Variants in CHD2 observed in about 807,000 individuals in gnomAD.
CHD2 encodes the protein chromodomain helicase DNA binding protein 2, also known as ATP-dependent chromatin remodeler CHD2.
CHD2 carries 28 observed loss-of-function variants against 243.9 expected under a neutral mutation model. The ratio of observed to expected loss-of-function variants is 0.11; its 90% CI spans 0.09 to 0.16. The LOEUF (loss-of-function observed/expected upper bound fraction) is 0.16. Ranked by LOEUF, CHD2 falls within the 10% of genes least tolerant of loss-of-function variation. CHD2 has a pLI of 1.00. For missense variants in CHD2, 1,386 were observed against 2,209.8 expected (o/e 0.63, Z 7.47); for synonymous variants, 775 against 779.0 (o/e 0.99, Z 0.09).
chr15:93,013,238 T>G lies in CHD2; in HGVS notation c.4692+794T>G, dbSNP rs150610615. On this transcript the variant is annotated intron_variant, in intron 36 of 38. Coordinates refer to ENST00000394196, the MANE Select transcript of CHD2 (RefSeq NM_001271.4). ...ATTTAATTTTACATGGAAGAATATG[T>G]TATAGCAGTAACATACAGGAATCAT... Among the ~76,000 whole-genome samples, 238 of 152,290 alleles carry G rather than the reference T, an allele frequency of 1.6e-3. 1 individual carries two copies. Among genetic ancestry groups the G allele is most frequent in the African/African-American group, 5.6e-3 (231 of 41,558 alleles).
Position 92,924,564 on chromosome 15 carries a change from G to C in CHD2, c.294+12G>C. ...CTGATGTGAAGAAGGTATCTACTTT[G>C]CCCTGCAGTACAAATGTGCTGCTAG... On this transcript the variant is annotated intron_variant, in intron 3 of 38. Transcript: ENST00000394196. 1 of 1,610,320 alleles carries C rather than the reference G, an allele frequency of 6.2e-7. No individual in the cohort carries two copies. The highest frequency in any genetic ancestry group is 1.1e-5 in the South Asian group (1 of 90,924).
In CHD2 at chr15:92,929,063, A is replaced by G; in HGVS notation, c.415A>G (p.Arg139Gly). 1 of 1,611,012 alleles carries G rather than the reference A, an allele frequency of 6.2e-7. No homozygotes were observed. Among genetic ancestry groups the G allele is most frequent in the Non-Finnish European group, 8.5e-7 (1 of 1,178,254 alleles). The change falls in exon 5 of 39, where the codon AGA becomes GGA. Residue 139 changes from arginine to glycine, a missense_variant. This residue lies in a region of CHD2 where 16 missense variants were observed against 76.0 expected (regional missense o/e 0.21). Transcript: ENST00000394196. The stretch of plus-strand genomic sequence containing the variant: ...CGGGTCTGAGAGTGGGAGCCCAAAA[A>G]GAAGAGGCCAGAGGCAGCTGAAAAA... Reference protein sequence around the residue: ...SSGSESGSPKRRGQRQLKKQE... With the variant: ...SSGSESGSPKGRGQRQLKKQE...
At chr15:93,015,961 A>C (rs2054454940) in intron 37 of CHD2, among the ~76,000 whole-genome samples, 1 of 152,344 alleles carries the variant, frequency 6.6e-6, no homozygotes, top group East Asian at 1.9e-4. Flanking sequence ...CCTCAAAAAA[A>C]TCACAAACAG....
At chr15:92,901,929 T>A (rs2052534368) in intron 2 of CHD2, 1 of 353,256 alleles carries the variant, frequency 2.8e-6, no homozygotes, top group African/African-American at 2.1e-5. Context: ...AACCTTTACT[T>A]GATGGTTAGA....
At chr15:92,988,677 A>T (rs565805184) in intron 26 of CHD2, among the ~76,000 whole-genome samples, 5 of 152,076 alleles carry the variant, frequency 3.3e-5, no homozygotes, top group African/African-American at 9.6e-5. Context: ...CTCACGTGGG[A>T]TAATCTCAAT....
intron 7 of CHD2, among the ~76,000 whole-genome samples, chr15:92,941,002 T>G (rs1204419080): frequency 1.9e-5 from 2 of 106,480 alleles, no homozygotes; most frequent in Non-Finnish European, 3.7e-5. Flanking sequence ...TAAATATATA[T>G]ATATAATTTT....
At chr15:92,984,236 C>A in intron 24 of CHD2, 94 bp from the exon 25 acceptor site, 1 of 908,516 alleles carries the variant, frequency 1.1e-6, no homozygotes, top group Non-Finnish European at 1.5e-6. Flanking sequence ...CTATTATTCA[C>A]AGTGTCTACT....
intron 2 of CHD2, among the ~76,000 whole-genome samples, chr15:92,909,118 A>G (rs1222912514): frequency 1.3e-5 from 2 of 151,918 alleles, no homozygotes; most frequent in Non-Finnish European, 2.9e-5. Flanking sequence ...GACCAAAAAA[A>G]AAAAAAGAAA....
intron 4 of CHD2, among the ~76,000 whole-genome samples, chr15:92,928,535 C>T (rs1020049697): frequency 1.3e-5 from 2 of 152,198 alleles, no homozygotes; most frequent in Non-Finnish European, 2.9e-5. Flanking sequence ...TAGTTGGTGC[C>T]TTTAAGGCAC....
intron 2 of CHD2, among the ~76,000 whole-genome samples, chr15:92,921,109 G>A (rs1301543068): frequency 1.4e-5 from 2 of 148,042 alleles, no homozygotes; most frequent in African/African-American, 2.5e-5. Flanking sequence ...GGTAACTGCT[G>A]TGACATATGT....
intron 24 of CHD2, among the ~76,000 whole-genome samples, chr15:92,982,738 A>C (rs559968972): frequency 6.6e-6 from 1 of 152,266 alleles, no homozygotes; most frequent in Non-Finnish European, 1.5e-5. Flanking sequence ...TTAGCTCCAA[A>C]GCTGGCCACT....
In CHD2 at chr15:93,014,853, A is replaced by G. The variant is rs769425431; in HGVS notation, c.4850A>G (p.His1617Arg). The change falls in exon 37 of 39, where the codon CAT becomes CGT. Residue 1617 changes from histidine to arginine, a missense_variant. Physicochemically the swap from His to Arg is conservative, Grantham distance 29. Around this residue, in one of 19 missense-constraint regions of CHD2, gnomAD observed 347 missense variants for 341.6 expected, o/e 1.02. Coordinates refer to ENST00000394196, the MANE Select transcript of CHD2 (RefSeq NM_001271.4). The stretch of plus-strand genomic sequence containing the variant: ...CCTGCCTCCCATGGCCCACAGATGC[A>G]TGGACACCCAAGAGATAACTACAAT... ...HLPASHGPQM[H>R]GHPRDNYNHP... is the part of the protein sequence containing the mutation. 14 of 1,614,064 alleles carry G rather than the reference A, an allele frequency of 8.7e-6. No individual in the cohort carries two copies. The highest frequency in any genetic ancestry group is 5.3e-5 in the African/African-American group (4 of 74,914).
At position 92,947,761 on chromosome 15, in the gene CHD2, G is replaced by C. The variant is rs182896788; in HGVS notation, c.1378-1191G>C. ...TAGGTTTGGTAGGAGTGGATGGATG[G>C]CTGGGTTTTGGAGTTGAGAGTAAGC... On this transcript the variant is annotated intron_variant, in intron 12 of 38. Coordinates refer to ENST00000394196, the MANE Select transcript of CHD2 (RefSeq NM_001271.4). Among the ~76,000 whole-genome samples the C allele has an allele frequency of 2.6e-3, 399 of 152,264 alleles. 3 individuals carry two copies. Among genetic ancestry groups the C allele is most frequent in the Admixed American group, 4.4e-3 (68 of 15,298 alleles).
intron 2 of CHD2, chr15:92,904,835 C>T: frequency 6.6e-7 from 1 of 1,511,374 alleles, no homozygotes; most frequent in Non-Finnish European, 8.8e-7. Flanking sequence ...TTGACCAAAA[C>T]GTTTGAGTGT....
intron 16 of CHD2, among the ~76,000 whole-genome samples, chr15:92,960,247 T>G (rs2053667611): frequency 6.6e-6 from 1 of 152,236 alleles, no homozygotes; most frequent in African/African-American, 2.4e-5. Flanking sequence ...TATATTGTTC[T>G]GTATTTCTTA....
chr15:93,018,918 C>A (rs2054495912), intron 37 of CHD2, among the ~76,000 whole-genome samples: 1 of 152,206 alleles, frequency 6.6e-6, no homozygotes. Flanking sequence ...GGTAAAATCA[C>A]ACTCACAGGC....
intron 10 of CHD2, chr15:92,945,408 T>TTTG (rs2053448890): frequency 2.0e-5 from 3 of 150,122 alleles, no homozygotes; most frequent in Non-Finnish European, 2.9e-5. Flanking sequence ...TTTTTTTTTT[T>TTTG]TGAGATGGTG....
intron 24 of CHD2, among the ~76,000 whole-genome samples, chr15:92,982,814 G>A (rs1269807455): frequency 6.6e-6 from 1 of 152,164 alleles, no homozygotes; most frequent in Non-Finnish European, 1.5e-5. Flanking sequence ...CTAGATTAAT[G>A]GGTTAGGATG....
chr15:93,013,737 C>A (rs957631811), intron 36 of CHD2, among the ~76,000 whole-genome samples: 1 of 151,828 alleles, frequency 6.6e-6, no homozygotes, highest in Non-Finnish European at 1.5e-5. Flanking sequence ...GAGTTCGAGA[C>A]CAGCCTGGCC....
Sources: allele counts gnomAD v4.1 joint callset (sites outside exome capture counted in the v4.1 genomes callset), GRCh38; gene constraint gnomAD v4.1.1; regional missense constraint gnomAD v4.1.1; transcripts MANE v1.5; gene names NCBI Gene and HGNC (gene_info 2026-07-23, HGNC 2026-07-21).